CCDC33: variants seen among roughly 807,000 people sequenced by gnomAD.
CCDC33 encodes the protein coiled-coil domain containing 33.
In CCDC33, 94 loss-of-function variants were observed where a neutral mutation model predicts 91.9. The ratio of observed to expected loss-of-function variants is 1.02; its 90% CI spans 0.87 to 1.21. The LOEUF (loss-of-function observed/expected upper bound fraction) is 1.21. Ranked by LOEUF, CCDC33 falls within the 50% of genes most tolerant of loss-of-function variation. The probability of loss-of-function intolerance (pLI) is 0.00; values close to 1 mark genes in which losing one functional copy is unlikely to be tolerated. For synonymous variants in CCDC33, 396 were observed against 374.5 expected (o/e 1.06, Z -0.66); for missense variants, 940 against 935.5 (o/e 1.00, Z -0.06).
At chr15:74,258,865 T>C (rs2075948772) in intron 2 of CCDC33, among the ~76,000 whole-genome samples, 1 of 152,122 alleles carries the variant, frequency 6.6e-6, no homozygotes, top group South Asian at 2.1e-4. Flanking sequence ...CCTTGTTCCC[T>C]CCCACTCACA....
In CCDC33 at chr15:74,270,882, C is replaced by T. The variant is rs563914389; in HGVS notation, c.547-821C>T. 2.0e-5 allele frequency among the ~76,000 whole-genome samples: 3 copies of T among 152,194 alleles called. No homozygotes were observed. The South Asian group carries it at 6.2e-4, about 32-fold the overall frequency. On this transcript the variant is annotated intron_variant, in intron 5 of 18. Transcript: ENST00000398814. ...CCCGCTCGGCTCTCTGAAAGCTGCG[C>T]CAATAGAAGCCTGGAGTAGAGGAGA...
intron 2 of CCDC33, among the ~76,000 whole-genome samples, chr15:74,258,143 C>T (rs2142352694): frequency 6.6e-6 from 1 of 152,332 alleles, no homozygotes; most frequent in Admixed American, 6.5e-5. Flanking sequence ...GTCAAAGGTG[C>T]CCAATACCTC....
intron 1 of CCDC33, among the ~76,000 whole-genome samples, chr15:74,243,134 G>A (rs987807640): frequency 1.3e-5 from 2 of 152,222 alleles, no homozygotes; most frequent in African/African-American, 2.4e-5. Flanking sequence ...CCCCCTGCAT[G>A]GGCAGGCACC....
chr15:74,308,799 G>A (rs577055612), intron 11 of CCDC33, among the ~76,000 whole-genome samples: 2 of 152,316 alleles, frequency 1.3e-5, no homozygotes, highest in East Asian at 3.9e-4. Flanking sequence ...GGATTTGGAA[G>A]GGCCAGGAAG....
At chr15:74,309,031 G>C (rs2059943372) in intron 11 of CCDC33, among the ~76,000 whole-genome samples, 3 of 152,140 alleles carry the variant, frequency 2.0e-5, no homozygotes, top group South Asian at 4.1e-4. Context: ...AGCTGGCTCA[G>C]GATCTGGGAG....
At position 74,246,970 on chromosome 15, in the gene CCDC33, C is replaced by T. The variant is rs530744602; in HGVS notation, c.185+2822C>T. Among the ~76,000 whole-genome samples, 3 of 151,922 alleles carry T rather than the reference C, an allele frequency of 2.0e-5. No homozygotes were observed. The East Asian group carries it at 5.8e-4, about 29-fold the overall frequency. ...GACCACCCTGGCCAATATGGTGAAA[C>T]CCCATCTCTACTAAAAATACAAAAA... On this transcript the variant is annotated intron_variant, in intron 2 of 18. Coordinates refer to ENST00000398814, the MANE Select transcript of CCDC33 (RefSeq NM_025055.5).
intron 1 of CCDC33, among the ~76,000 whole-genome samples, chr15:74,243,484 G>A (rs59085016): frequency 0.049 from 7,486 of 152,292 alleles, 588 homozygotes; most frequent in African/African-American, 0.17. Flanking sequence ...GTAGGATCCA[G>A]GACTAGAGGA....
At chr15:74,328,661 A>C (rs2060360071) in intron 11 of CCDC33, among the ~76,000 whole-genome samples, 1 of 152,222 alleles carries the variant, frequency 6.6e-6, no homozygotes, top group Admixed American at 6.5e-5. Flanking sequence ...CCCAACCAGA[A>C]GGCTAGACAG....
intron 18 of CCDC33, chr15:74,335,417 C>T (rs539797739): frequency 8.9e-6 from 5 of 564,808 alleles, no homozygotes; most frequent in South Asian, 6.6e-5. Flanking sequence ...ACTGGCTGCG[C>T]TCATGGGCAG....
intron 11 of CCDC33, among the ~76,000 whole-genome samples, chr15:74,329,161 C>CATATATATATATATAT (rs143161165): frequency 6.7e-6 from 1 of 149,266 alleles, no homozygotes; most frequent in African/African-American, 2.5e-5. Flanking sequence ...TATTAATTTT[C>CATATATATATATATAT]ATATATATAT....
intron 7 of CCDC33, among the ~76,000 whole-genome samples, chr15:74,277,234 A>AG (rs1393289432): frequency 2.0e-5 from 3 of 152,232 alleles, no homozygotes; most frequent in Admixed American, 1.3e-4. Flanking sequence ...AGGGACTTGA[A>AG]GGCCACACAG....
chr15:74,294,578 T>C (rs2059644340), intron 10 of CCDC33, among the ~76,000 whole-genome samples: 1 of 151,838 alleles, frequency 6.6e-6, no homozygotes, highest in Admixed American at 6.6e-5. Context: ...AAACCCCATC[T>C]CTACTAAAAA....
intron 11 of CCDC33, among the ~76,000 whole-genome samples, chr15:74,325,195 AC>A (rs1387223553): frequency 6.6e-6 from 1 of 150,724 alleles, no homozygotes; most frequent in African/African-American, 2.4e-5. Context: ...CTTGCCACAA[AC>A]CCCCTCCAGC....
chr15:74,304,857 T>A (rs965646778), intron 11 of CCDC33, among the ~76,000 whole-genome samples: 1 of 152,042 alleles, frequency 6.6e-6, no homozygotes, highest in Non-Finnish European at 1.5e-5. Flanking sequence ...TAGGTAAATG[T>A]GCCCCAGATC....
At position 74,331,190 on chromosome 15, in the gene CCDC33, C is replaced by T. The variant is rs2060429178; in HGVS notation, c.1678-13C>T. 1 of 1,614,156 alleles carries T rather than the reference C, an allele frequency of 6.2e-7. No individual in the cohort carries two copies. The highest frequency in any genetic ancestry group is 8.5e-7 in the Non-Finnish European group (1 of 1,180,006). ...AGCCCCTGGGCCAGCCCAGCCTCTG[C>T]TCTGCTCTCCAGGTGATCGAGAAGA... On this transcript the variant is annotated splice_polypyrimidine_tract_variant and intron_variant, in intron 14 of 18. Transcript: ENST00000398814.
At chr15:74,207,480 A>G (rs1218615037) in intron 1 of CCDC33, among the ~76,000 whole-genome samples, 3 of 152,154 alleles carry the variant, frequency 2.0e-5, no homozygotes, top group Non-Finnish European at 4.4e-5. Flanking sequence ...TCAACCACAG[A>G]TTGGAACAAG....
intron 2 of CCDC33, among the ~76,000 whole-genome samples, chr15:74,227,296 A>T (rs978561703): frequency 6.6e-6 from 1 of 152,226 alleles, no homozygotes; most frequent in Non-Finnish European, 1.5e-5. Flanking sequence ...GACTAACAGC[A>T]TCCTTTCCCA....
chr15:74,209,129 C>G (rs952318036), intron 1 of CCDC33: 14 of 1,311,172 alleles, frequency 1.1e-5, no homozygotes, highest in Non-Finnish European at 1.4e-5. Context: ...TCAGAGGAAC[C>G]CACCCCACCC....
intron 2 of CCDC33, among the ~76,000 whole-genome samples, chr15:74,246,211 G>GT (rs2075524286): frequency 6.6e-6 from 1 of 152,202 alleles, no homozygotes; most frequent in African/African-American, 2.4e-5. Flanking sequence ...ACCTGCAACT[G>GT]TAACACCCCT....
Sources: gnomAD v4.1 joint callset for allele counts (sites outside exome capture counted in the v4.1 genomes callset) on GRCh38, gnomAD v4.1.1 for gene constraint, MANE v1.5 for transcripts, NCBI Gene and HGNC (gene_info 2026-07-23, HGNC 2026-07-21) for gene names.